The following KCNH1 variants were observed in gnomAD, a reference collection of about 807,000 sequenced individuals.
KCNH1 encodes voltage-gated delayed rectifier potassium channel KCNH1.
Under a neutral mutation model 69.2 loss-of-function variants are expected in KCNH1, and 27 were observed. The ratio of observed to expected loss-of-function variants is 0.39; its 90% CI spans 0.29 to 0.54. The LOEUF is 0.54. Ranked by LOEUF, KCNH1 falls within the 20% of genes least tolerant of loss-of-function variation. The pLI is 0.68. For synonymous variants in KCNH1, 456 were observed against 487.7 expected, an observed-to-expected ratio of 0.93 and a Z score of 0.86; for missense variants, 798 against 1,261.6, an observed-to-expected ratio of 0.63 and a Z score of 5.57.
chr1:210,881,750 T>C (rs912405459), intron 7 of KCNH1, among the ~76,000 whole-genome samples: 2 of 152,186 alleles, frequency 1.3e-5, no homozygotes, highest in African/African-American at 4.8e-5. Context: ...GAAACTTAAA[T>C]GTACATTGCT....
chr1:210,811,695 C>A (rs890774291), intron 7 of KCNH1, among the ~76,000 whole-genome samples: 6 of 152,090 alleles, frequency 3.9e-5, no homozygotes, highest in African/African-American at 1.2e-4. Context: ...CGATGTGCCC[C>A]ATATGAAAGT....
At chr1:210,779,148 C>T (rs765193839) in intron 9 of KCNH1, among the ~76,000 whole-genome samples, 12 of 152,088 alleles carry the variant, frequency 7.9e-5, no homozygotes, top group Non-Finnish European at 1.6e-4. Flanking sequence ...GATCCTACTA[C>T]AAAAAGTATT....
chr1:210,853,887 G>A (rs1479225665), intron 7 of KCNH1, among the ~76,000 whole-genome samples: 2 of 126,664 alleles, frequency 1.6e-5, no homozygotes, highest in African/African-American at 3.0e-5. Flanking sequence ...CTAGGAGACT[G>A]ATGACTCCCA....
At chr1:210,836,643 A>C (rs1574286475) in intron 7 of KCNH1, among the ~76,000 whole-genome samples, 1 of 152,226 alleles carries the variant, frequency 6.6e-6, no homozygotes, top group East Asian at 1.9e-4. Context: ...GCACTTCCGC[A>C]GTGAATACCA....
At chr1:210,867,474 T>G (rs954510378) in intron 7 of KCNH1, among the ~76,000 whole-genome samples, 1 of 151,812 alleles carries the variant, frequency 6.6e-6, no homozygotes, top group South Asian at 2.1e-4. Flanking sequence ...TGTGGCTGTG[T>G]GACCAAAGGT....
At chr1:210,864,907 G>A (rs1269871739) in intron 7 of KCNH1, among the ~76,000 whole-genome samples, 1 of 152,190 alleles carries the variant, frequency 6.6e-6, no homozygotes, top group African/African-American at 2.4e-5. Flanking sequence ...ACCTGAAGCT[G>A]TAAGCTGGAA....
At chr1:210,803,848 A>G (rs1684476944) in intron 8 of KCNH1, 119 bp downstream of exon 8, 2 of 844,896 alleles carry the variant, frequency 2.4e-6, no homozygotes, top group African/African-American at 3.4e-5. Flanking sequence ...TGGAATCCCA[A>G]AGTACTCAAG....
chr1:210,765,297 A>G (rs911562171), intron 10 of KCNH1, among the ~76,000 whole-genome samples: 2 of 152,186 alleles, frequency 1.3e-5, no homozygotes, highest in African/African-American at 4.8e-5. Context: ...ACTGGGTAGT[A>G]TGTTCACTAC....
intron 8 of KCNH1, among the ~76,000 whole-genome samples, chr1:210,800,618 T>C (rs1306079099): frequency 6.6e-6 from 1 of 152,190 alleles, no homozygotes; most frequent in Non-Finnish European, 1.5e-5. Flanking sequence ...TCTTTCCATC[T>C]ATTGGCTCCA....
Position 210,829,773 on chromosome 1 carries a change from C to T in KCNH1, c.1463-25607G>A, listed in dbSNP as rs577955855. Among the ~76,000 whole-genome samples the T allele has an allele frequency of 7.9e-5, 12 of 152,270 alleles. No individual in the cohort carries two copies. In the South Asian group the frequency reaches 1.7e-3, roughly 21 times the overall value. The stretch of plus-strand genomic sequence containing the variant: ...GTGTAACATTATATTTCACTTTCAA[C>T]GCCCCCTCTGGCACTTGCAATTTCC... On this transcript the variant is annotated intron_variant, in intron 7 of 10. Coordinates refer to ENST00000271751, the MANE Select transcript of KCNH1 (RefSeq NM_172362.3).
At chr1:210,815,590 C>T (rs765176435) in intron 7 of KCNH1, among the ~76,000 whole-genome samples, 5 of 152,128 alleles carry the variant, frequency 3.3e-5, no homozygotes, top group South Asian at 2.1e-4. Context: ...TTATCACCAC[C>T]GCCCCACTCC....
intron 6 of KCNH1, among the ~76,000 whole-genome samples, chr1:210,955,994 A>T (rs1161424874): frequency 6.6e-6 from 1 of 152,068 alleles, no homozygotes; most frequent in African/African-American, 2.4e-5. Flanking sequence ...TTTCAAAGGG[A>T]ATGTTTCCAG....
chr1:210,862,834 C>A (rs1396903176), intron 7 of KCNH1, among the ~76,000 whole-genome samples: 1 of 152,174 alleles, frequency 6.6e-6, no homozygotes, highest in Non-Finnish European at 1.5e-5. Flanking sequence ...CTTATCTCAG[C>A]TTAAGGAAGC....
At chr1:210,724,141 T>A (rs1558441417) in intron 10 of KCNH1, among the ~76,000 whole-genome samples, 1 of 152,222 alleles carries the variant, frequency 6.6e-6, no homozygotes, top group Non-Finnish European at 1.5e-5. Context: ...TTCCCAATTT[T>A]CAGGCAAGAA....
chr1:211,061,795 T>C (rs1052005093), intron 5 of KCNH1, among the ~76,000 whole-genome samples: 1 of 151,930 alleles, frequency 6.6e-6, no homozygotes, highest in Non-Finnish European at 1.5e-5. Context: ...CTACAAAACA[T>C]TGAGGCAAGA....
intron 1 of KCNH1, among the ~76,000 whole-genome samples, chr1:211,111,690 G>A (rs1406463747): frequency 6.7e-6 from 1 of 149,846 alleles, no homozygotes; most frequent in Non-Finnish European, 1.5e-5. Flanking sequence ...GGGAAGTGAA[G>A]AACGCCTCTG....
At chr1:210,899,986 G>A (rs1686959703) in intron 7 of KCNH1, among the ~76,000 whole-genome samples, 1 of 152,196 alleles carries the variant, frequency 6.6e-6, no homozygotes, top group Non-Finnish European at 1.5e-5. Context: ...GACCCATCGT[G>A]AGGGAAGAAA....
chr1:210,718,915 C>T (rs868548321), intron 10 of KCNH1, among the ~76,000 whole-genome samples: 1 of 151,804 alleles, frequency 6.6e-6, no homozygotes, highest in South Asian at 2.1e-4. Flanking sequence ...ACTCAAGAGT[C>T]TGTGGGGATC....
At position 211,133,600 on chromosome 1, in the gene KCNH1, T is replaced by A. The variant is rs541418115; in HGVS notation, c.79+267A>T. Among the ~76,000 whole-genome samples the A allele has an allele frequency of 2.0e-5, 3 of 152,076 alleles. No homozygotes were observed. Among genetic ancestry groups the A allele is most frequent in the African/African-American group, 7.2e-5 (3 of 41,418 alleles). The stretch of plus-strand genomic sequence containing the variant: ...TACTTTGCTCAGCAGCTGTCACGCA[T>A]CCTTGGAGATAAGACCGAGAGGGCG... On this transcript the variant is annotated intron_variant, in intron 1 of 10. Transcript: ENST00000271751. The surrounding 1 kb of genome is among the most constrained non-coding windows in gnomAD (Gnocchi z 5.4).
Sources: gnomAD v4.1 joint callset for allele counts (sites outside exome capture counted in the v4.1 genomes callset) on GRCh38, gnomAD v4.1.1 for gene constraint, Gnocchi (gnomAD v3.1) non-coding constraint, MANE v1.5 for transcripts, NCBI Gene and HGNC (gene_info 2026-07-23, HGNC 2026-07-21) for gene names.